EXOSC7: variants seen among roughly 807,000 people sequenced by gnomAD.
EXOSC7 encodes the protein exosome complex component RRP42.
A neutral mutation model predicts 34.3 loss-of-function variants in EXOSC7; 25 were observed. The ratio of observed to expected loss-of-function variants is 0.73; its 90% CI spans 0.53 to 1.02. The LOEUF (loss-of-function observed/expected upper bound fraction) is 1.02, where lower values mean the gene tolerates loss of function less well. Ranked by LOEUF, EXOSC7 falls within the 50% of genes least tolerant of loss-of-function variation. The pLI is 0.00. For missense variants in EXOSC7, 370 were observed against 368.5 expected (o/e 1.00, Z -0.03); for synonymous variants, 130 against 143.0 (o/e 0.91, Z 0.65).
chr3:44,978,575 A>G (rs1229634058), intron 1 of EXOSC7, among the ~76,000 whole-genome samples: 2 of 152,242 alleles, frequency 1.3e-5, no homozygotes, highest in Non-Finnish European at 2.9e-5. Flanking sequence ...CTATGAAGGA[A>G]AAAACGGACA....
intron 1 of EXOSC7, 85 bp from the exon 2 acceptor site, chr3:44,989,055 C>G: frequency 3.4e-6 from 3 of 874,874 alleles, no homozygotes; most frequent in South Asian, 3.0e-5. Context: ...CTGCATATAT[C>G]TTCTCTAGGG....
At chr3:44,983,006 C>T (rs192415390) in intron 1 of EXOSC7, among the ~76,000 whole-genome samples, 2 of 152,302 alleles carry the variant, frequency 1.3e-5, no homozygotes, top group African/African-American at 4.8e-5. Context: ...CTCACTTCTC[C>T]TTTAGGAATC....
At chr3:45,009,508 AC>A (rs1189732784) in intron 7 of EXOSC7, among the ~76,000 whole-genome samples, 5 of 142,542 alleles carry the variant, frequency 3.5e-5, no homozygotes, top group Admixed American at 6.9e-5. Context: ...ACAGATTCAG[AC>A]TTTTTTTTCT....
intron 1 of EXOSC7, among the ~76,000 whole-genome samples, chr3:44,984,939 G>A (rs1479503897): frequency 6.6e-6 from 1 of 152,236 alleles, no homozygotes; most frequent in African/African-American, 2.4e-5. Context: ...ATCCAGAGAG[G>A]GAAGGGGCTT....
chr3:44,992,896 T>C (rs562423271), intron 3 of EXOSC7, among the ~76,000 whole-genome samples: 1 of 152,342 alleles, frequency 6.6e-6, no homozygotes, highest in South Asian at 2.1e-4. Flanking sequence ...ACATTTTTCA[T>C]TCATAAATGT....
In EXOSC7 at chr3:45,007,515, G is replaced by T. The variant is rs139688119; in HGVS notation, c.711G>T (p.Thr237=). The change falls in exon 7 of 8, where the codon ACG becomes ACT. Residue 237 remains threonine, a synonymous_variant. Coordinates refer to ENST00000265564, the MANE Select transcript of EXOSC7 (RefSeq NM_015004.4). ...LVSVTSKGVV[T]CMRKVGKGSL... is the part of the protein sequence containing the mutation. ...CGGTGACCAGCAAGGGAGTTGTGAC[G>T]TGCATGAGGAAAGTGGGGAAGGGCA... 1.2e-6 allele frequency: 2 copies of T among 1,614,018 alleles called. No homozygotes were observed. Among genetic ancestry groups the T allele is most frequent in the South Asian group, 1.1e-5 (1 of 91,066 alleles).
chr3:44,996,976 C>A, intron 3 of EXOSC7, 111 bp from the exon 4 acceptor site: 1 of 1,093,806 alleles, frequency 9.1e-7, no homozygotes, highest in Non-Finnish European at 1.4e-6. Flanking sequence ...GACTTTCTGT[C>A]GAGCAGCTGG....
At chr3:44,996,713 C>T (rs1240777452) in intron 3 of EXOSC7, among the ~76,000 whole-genome samples, 1 of 152,322 alleles carries the variant, frequency 6.6e-6, no homozygotes, top group East Asian at 1.9e-4. Flanking sequence ...ATTCCCTAGG[C>T]CTCTCAGTTT....
chr3:44,992,406 G>T (rs1331609542), intron 3 of EXOSC7, among the ~76,000 whole-genome samples: 1 of 152,172 alleles, frequency 6.6e-6, no homozygotes, highest in East Asian at 1.9e-4. Context: ...TTGATTTTCT[G>T]CCAACCCATT....
chr3:45,006,068 C>CTTTTTTTTTTT (rs34869939), intron 6 of EXOSC7, among the ~76,000 whole-genome samples: 1 of 47,298 alleles, frequency 2.1e-5, no homozygotes, highest in African/African-American at 8.4e-5. Flanking sequence ...TGGGTCTTGG[C>CTTTTTTTTTTT]TTTTTTTTTT....
chr3:44,980,806 T>C (rs1706251448), intron 1 of EXOSC7, among the ~76,000 whole-genome samples: 2 of 152,228 alleles, frequency 1.3e-5, no homozygotes, highest in South Asian at 4.1e-4. Context: ...TGGTTGCATT[T>C]TTCCCACATT....
chr3:44,993,578 G>C (rs1359848060), intron 3 of EXOSC7, among the ~76,000 whole-genome samples: 1 of 151,986 alleles, frequency 6.6e-6, no homozygotes. Context: ...TGAGTCAGAA[G>C]GGGTGGAGAG....
At chr3:44,998,036 T>TG (rs1325375341) in intron 4 of EXOSC7, among the ~76,000 whole-genome samples, 3 of 151,068 alleles carry the variant, frequency 2.0e-5, no homozygotes, top group African/African-American at 2.4e-5. Context: ...TTTTTGTTTT[T>TG]TTGTTTTTTT....
chr3:45,005,359 A>C lies in EXOSC7; in HGVS notation c.560A>C (p.Tyr187Ser), dbSNP rs770584588. 7 of 1,613,934 alleles carry C rather than the reference A, an allele frequency of 4.3e-6. No individual in the cohort carries two copies. The East Asian group carries it at 1.6e-4, about 36-fold the overall frequency. Residue 187 changes from tyrosine (Y) to serine (S), a missense_variant, in exon 6 of 8, where the codon TAT becomes TCT. Tyr to Ser is a moderately radical substitution (Grantham distance 144). Coordinates refer to ENST00000265564, the MANE Select transcript of EXOSC7 (RefSeq NM_015004.4). Reference protein sequence around the residue: ...SKDIELSDDPYDCIRLSVENV... With the variant: ...SKDIELSDDPSDCIRLSVENV... ...GACATTGAATTGTCAGATGACCCTTATGACTGCATACGACTAAGTGTGGAG... is the reference window on the plus strand; with the variant it reads ...GACATTGAATTGTCAGATGACCCTTCTGACTGCATACGACTAAGTGTGGAG...
chr3:45,010,087 G>GAAC (rs1391941885), intron 7 of EXOSC7, among the ~76,000 whole-genome samples: 1 of 152,158 alleles, frequency 6.6e-6, no homozygotes, highest in African/African-American at 2.4e-5. Flanking sequence ...CAACATTGTT[G>GAAC]AGAATGGAAC....
intron 7 of EXOSC7, among the ~76,000 whole-genome samples, chr3:45,010,432 A>G (rs1378742547): frequency 6.6e-6 from 1 of 152,018 alleles, no homozygotes; most frequent in Non-Finnish European, 1.5e-5. Flanking sequence ...TTTTTTGTAG[A>G]GATGGGGTTT....
chr3:44,991,362 A>C (rs557792471), intron 3 of EXOSC7, among the ~76,000 whole-genome samples: 2 of 151,974 alleles, frequency 1.3e-5, no homozygotes, highest in Admixed American at 6.5e-5. Context: ...CAAGCCCCCA[A>C]CTTATCTTTT....
chr3:44,985,301 C>T (rs1380565933), intron 1 of EXOSC7, among the ~76,000 whole-genome samples: 4 of 152,194 alleles, frequency 2.6e-5, no homozygotes, highest in Admixed American at 2.6e-4. Context: ...GAATCCATCT[C>T]CAGACTCAAG....
chr3:45,005,075 G>T, intron 5 of EXOSC7: 1 of 517,972 alleles, frequency 1.9e-6, no homozygotes, highest in East Asian at 3.0e-5. Flanking sequence ...ATATCTGATT[G>T]ACCCAGCATC....
Sources: allele counts gnomAD v4.1 joint callset (sites outside exome capture counted in the v4.1 genomes callset), GRCh38; gene constraint gnomAD v4.1.1; transcripts MANE v1.5; gene names NCBI Gene and HGNC (gene_info 2026-07-23, HGNC 2026-07-21).